ARHGEF4: variants seen among roughly 807,000 people sequenced by gnomAD.
ARHGEF4 encodes APC-stimulated guanine nucleotide exchange factor 1.
Under a neutral mutation model 162.0 loss-of-function variants are expected in ARHGEF4, and 119 were observed. That is an observed-to-expected ratio of 0.73 (90% CI 0.63 to 0.86). The LOEUF (loss-of-function observed/expected upper bound fraction) is 0.86, where lower values mean the gene tolerates loss of function less well. ARHGEF4 is among the 40% of genes least tolerant of loss of function. The pLI, the probability that ARHGEF4 is intolerant of heterozygous loss-of-function variation, is 0.00. For synonymous variants in ARHGEF4, 1,014 were observed against 979.9 expected (o/e 1.03, Z -0.65); for missense variants, 2,488 against 2,456.0 (o/e 1.01, Z -0.28).
Position 131,004,341 on chromosome 2 carries a change from A to T in ARHGEF4, c.3986-23604A>T, listed in dbSNP as rs530407176. The stretch of plus-strand genomic sequence containing the variant: ...CCACCATGCTTGTCTAATTTTTTGT[A>T]TTTTTAGTAGAGACGGGGTTTAACC... On this transcript the variant is annotated intron_variant, in intron 4 of 13. Coordinates refer to ENST00000409359, the MANE Select transcript of ARHGEF4 (RefSeq NM_001367493.1). Among the ~76,000 whole-genome samples, 46 of 152,024 alleles carry T rather than the reference A, an allele frequency of 3.0e-4. No individual in the cohort carries two copies. The South Asian group carries it at 7.9e-3, about 26-fold the overall frequency.
Position 130,994,298 on chromosome 2 carries a change from A to C in ARHGEF4, c.3986-33647A>C, listed in dbSNP as rs569038799. On this transcript the variant is annotated intron_variant, in intron 4 of 13. Transcript: ENST00000409359. The stretch of plus-strand genomic sequence containing the variant: ...TGAATTGCTTTTTTATTCCTTTTTC[A>C]CTTTTCCTGGCTTGGCCATTTTATA... 9.2e-4 allele frequency among the ~76,000 whole-genome samples: 140 copies of C among 151,736 alleles called. 3 individuals are homozygous for C. The South Asian group carries it at 0.029, about 31-fold the overall frequency.
At chr2:130,873,688 C>T (rs549285614) in intron 1 of ARHGEF4, among the ~76,000 whole-genome samples, 258 of 152,118 alleles carry the variant, frequency 1.7e-3, no homozygotes, top group Middle Eastern at 3.4e-3. Flanking sequence ...TAGTGGCTAG[C>T]GGCTTCTTTT....
intron 4 of ARHGEF4, among the ~76,000 whole-genome samples, chr2:130,998,495 T>A (rs954348474): frequency 2.0e-5 from 3 of 152,234 alleles, no homozygotes; most frequent in Admixed American, 6.5e-5. Flanking sequence ...CTTTGGCCAC[T>A]GATAATTTTT....
intron 2 of ARHGEF4, among the ~76,000 whole-genome samples, chr2:130,923,728 G>A (rs2105080297): frequency 6.6e-6 from 1 of 152,262 alleles, no homozygotes; most frequent in African/African-American, 2.4e-5. Context: ...GAGATTTTGG[G>A]TCTGACATGT....
chr2:131,006,486 C>A (rs1688120512), intron 4 of ARHGEF4, among the ~76,000 whole-genome samples: 1 of 152,224 alleles, frequency 6.6e-6, no homozygotes, highest in Non-Finnish European at 1.5e-5. Context: ...GGCTGTCAGT[C>A]ACTGAGAAGA....
chr2:130,911,103 G>C (rs1023396755), intron 1 of ARHGEF4, among the ~76,000 whole-genome samples: 3 of 152,150 alleles, frequency 2.0e-5, no homozygotes, highest in Non-Finnish European at 2.9e-5. Context: ...GGCCAACGTC[G>C]GGGCAGCGGG....
At chr2:130,920,562 TAG>T (rs144622118) in intron 2 of ARHGEF4, among the ~76,000 whole-genome samples, 1 of 152,318 alleles carries the variant, frequency 6.6e-6, no homozygotes, top group Non-Finnish European at 1.5e-5. Context: ...CTCTGTCTGG[TAG>T]AACCCTGGAT....
intron 4 of ARHGEF4, among the ~76,000 whole-genome samples, chr2:130,993,623 GTTATC>G (rs1212786435): frequency 2.6e-5 from 4 of 151,864 alleles, no homozygotes; most frequent in Admixed American, 2.0e-4. Flanking sequence ...TTTAGATTTT[GTTATC>G]TTATGTATTA....
chr2:131,022,480 C>T (rs1689195059), intron 4 of ARHGEF4, among the ~76,000 whole-genome samples: 1 of 151,884 alleles, frequency 6.6e-6, no homozygotes, highest in Non-Finnish European at 1.5e-5. Flanking sequence ...ATTTTTATTT[C>T]TGTAAAATAG....
At chr2:130,932,089 C>T (rs1299936208) in intron 3 of ARHGEF4, among the ~76,000 whole-genome samples, 2 of 152,184 alleles carry the variant, frequency 1.3e-5, no homozygotes, top group Non-Finnish European at 2.9e-5. Context: ...CCTGGAAATA[C>T]TCATCTGCTT....
intron 1 of ARHGEF4, among the ~76,000 whole-genome samples, chr2:130,850,185 C>T (rs564399173): frequency 6.6e-6 from 1 of 152,280 alleles, no homozygotes; most frequent in South Asian, 2.1e-4. Context: ...AGCAGTTGGG[C>T]CAGTGCCCCA....
intron 4 of ARHGEF4, among the ~76,000 whole-genome samples, chr2:130,952,492 A>G (rs1684019171): frequency 6.6e-6 from 1 of 152,190 alleles, no homozygotes; most frequent in Non-Finnish European, 1.5e-5. Flanking sequence ...ATTCCCTTTG[A>G]CAACTGGCAC....
At chr2:131,011,156 C>T (rs1688423896) in intron 4 of ARHGEF4, among the ~76,000 whole-genome samples, 1 of 152,140 alleles carries the variant, frequency 6.6e-6, no homozygotes, top group African/African-American at 2.4e-5. Context: ...GAGGAGTAAA[C>T]AAAAATGTTT....
intron 4 of ARHGEF4, among the ~76,000 whole-genome samples, chr2:131,018,891 A>G (rs1224009898): frequency 6.6e-6 from 1 of 152,172 alleles, no homozygotes; most frequent in East Asian, 1.9e-4. Context: ...AAATCAATTG[A>G]CCACATATGG....
At chr2:130,851,765 G>A (rs1574097498) in intron 1 of ARHGEF4, among the ~76,000 whole-genome samples, 1 of 152,214 alleles carries the variant, frequency 6.6e-6, no homozygotes, top group East Asian at 1.9e-4. Flanking sequence ...GGCCTCCATG[G>A]ACACAGCCAG....
intron 4 of ARHGEF4, among the ~76,000 whole-genome samples, chr2:131,017,894 C>T: frequency 6.6e-6 from 1 of 152,030 alleles, no homozygotes; most frequent in East Asian, 1.9e-4. Flanking sequence ...TAATGTAATT[C>T]CTATCAAAAT....
chr2:130,969,889 C>T (rs772035635), intron 4 of ARHGEF4, among the ~76,000 whole-genome samples: 1 of 152,156 alleles, frequency 6.6e-6, no homozygotes, highest in Non-Finnish European at 1.5e-5. Context: ...GGAGTCATAT[C>T]ATGTTGCCTT....
intron 4 of ARHGEF4, among the ~76,000 whole-genome samples, chr2:131,006,970 C>CGA (rs1291134653): frequency 6.6e-6 from 1 of 152,166 alleles, no homozygotes. Flanking sequence ...CACCCTGTGG[C>CGA]TTAAGATTGA....
intron 3 of ARHGEF4, among the ~76,000 whole-genome samples, chr2:130,931,566 A>G (rs924936470): frequency 6.6e-6 from 1 of 152,242 alleles, no homozygotes; most frequent in Non-Finnish European, 1.5e-5. Context: ...CTGCCATTTA[A>G]TGAGTGCCTG....
Sources: gnomAD v4.1 joint callset for allele counts (sites outside exome capture counted in the v4.1 genomes callset) on GRCh38, gnomAD v4.1.1 for gene constraint, MANE v1.5 for transcripts, NCBI Gene and HGNC (gene_info 2026-07-23, HGNC 2026-07-21) for gene names.